PGBD5: variants seen among roughly 807,000 people sequenced by gnomAD.
The protein encoded by PGBD5 is piggyBac transposable element-derived protein 5.
PGBD5 carries 14 observed loss-of-function variants against 47.9 expected under a neutral mutation model. The observed-to-expected ratio is 0.29, with a 90% CI of 0.19 to 0.46. The LOEUF is 0.46. Ranked by LOEUF, PGBD5 falls within the 20% of genes least tolerant of loss-of-function variation. The probability of loss-of-function intolerance (pLI) is 1.00; values close to 1 mark genes in which losing one functional copy is unlikely to be tolerated. For synonymous variants in PGBD5, 316 were observed against 306.3 expected, an observed-to-expected ratio of 1.03 and a Z score of -0.33; for missense variants, 635 against 716.0, an observed-to-expected ratio of 0.89 and a Z score of 1.29.
chr1:230,324,447 G>A (rs1249032089), intron 6 of PGBD5, among the ~76,000 whole-genome samples: 8 of 152,188 alleles, frequency 5.3e-5, no homozygotes, highest in Admixed American at 6.5e-5. Context: ...CATAGTGGGC[G>A]TTCAACAAAG....
intron 2 of PGBD5, among the ~76,000 whole-genome samples, chr1:230,354,666 TGA>T (rs1028796141): frequency 1.3e-5 from 2 of 152,130 alleles, no homozygotes; most frequent in African/African-American, 4.8e-5. Context: ...CCACCTGCCC[TGA>T]GGCCTCTCCC....
intron 1 of PGBD5, among the ~76,000 whole-genome samples, chr1:230,424,665 G>C (rs1657732266): frequency 6.6e-6 from 1 of 152,236 alleles, no homozygotes; most frequent in African/African-American, 2.4e-5. Flanking sequence ...CATCAACACC[G>C]GTTGCGCGCA....
chr1:230,396,559 G>GCCCCCCCCCCCCCCCC (rs61206058), intron 1 of PGBD5, among the ~76,000 whole-genome samples: 3 of 117,646 alleles, frequency 2.6e-5, no homozygotes, highest in African/African-American at 7.4e-5. Context: ...ACATTTTGTT[G>GCCCCCCCCCCCCCCCC]CCCCCCCTCC....
Position 230,402,388 on chromosome 1 carries a change from A to T in PGBD5, c.331+23210T>A, listed in dbSNP as rs570921155. ...AGAAAGTGAGAAGCTATCTCTACAG[A>T]CCCAAACAAAAAGCTTTTAATGATA... On this transcript the variant is annotated intron_variant, in intron 1 of 6. Coordinates refer to ENST00000391860, the MANE Select transcript of PGBD5 (RefSeq NM_001258311.2). 3.8e-4 allele frequency among the ~76,000 whole-genome samples: 58 copies of T among 152,350 alleles called. 1 individual carries two copies. In the South Asian group the frequency reaches 0.01, roughly 27 times the overall value.
chr1:230,400,178 C>T (rs1416051459), intron 1 of PGBD5, among the ~76,000 whole-genome samples: 4 of 152,172 alleles, frequency 2.6e-5, no homozygotes, highest in Non-Finnish European at 4.4e-5. Flanking sequence ...CTGCCTCGGG[C>T]CTCACACTGT....
chr1:230,355,757 T>C (rs1301687840), intron 2 of PGBD5, among the ~76,000 whole-genome samples: 1 of 152,132 alleles, frequency 6.6e-6, no homozygotes, highest in Non-Finnish European at 1.5e-5. Flanking sequence ...CTGGATGCAT[T>C]TGCAAGGCAG....
rs1657750046 is a variant in PGBD5 at position 230,425,302 on chromosome 1, G to A, written c.331+296C>T. On this transcript the variant is annotated intron_variant, in intron 1 of 6. Coordinates refer to ENST00000391860, the MANE Select transcript of PGBD5 (RefSeq NM_001258311.2). This position sits in a 1 kb window ranked among gnomAD's most constrained non-coding sequence, Gnocchi z 4.7. ...CCCTAAAAGTCCGACCCACAGGTGT[G>A]ACAGACTTCCCATGCAGGGGCTGGG... Among the ~76,000 whole-genome samples, 1 of 152,196 alleles carries A rather than the reference G, an allele frequency of 6.6e-6. No homozygotes were observed. The highest frequency in any genetic ancestry group is 1.5e-5 in the Non-Finnish European group (1 of 68,040).
intron 5 of PGBD5, among the ~76,000 whole-genome samples, chr1:230,325,846 A>G (rs934549811): frequency 6.6e-6 from 1 of 152,030 alleles, no homozygotes; most frequent in African/African-American, 2.4e-5. Flanking sequence ...CTGAGGTCAG[A>G]CAGCACCATG....
At chr1:230,348,199 T>C (rs568513585) in intron 3 of PGBD5, among the ~76,000 whole-genome samples, 2 of 152,276 alleles carry the variant, frequency 1.3e-5, no homozygotes, top group East Asian at 1.9e-4. Flanking sequence ...GAACCCTACA[T>C]ATGACATTTA....
intron 1 of PGBD5, among the ~76,000 whole-genome samples, chr1:230,396,920 A>C (rs1210552358): frequency 6.6e-6 from 1 of 152,150 alleles, no homozygotes; most frequent in African/African-American, 2.4e-5. Flanking sequence ...ATTTAAAATC[A>C]CGCTGGAAGT....
chr1:230,367,190 C>T (rs1416687651), intron 1 of PGBD5, among the ~76,000 whole-genome samples: 2 of 152,114 alleles, frequency 1.3e-5, no homozygotes, highest in Non-Finnish European at 2.9e-5. Flanking sequence ...TTCAGTTTTC[C>T]TTCTACTCGG....
rs1657540394 is a variant in PGBD5, at chr1:230,417,276, C to T, written c.331+8322G>A. Among the ~76,000 whole-genome samples the T allele has an allele frequency of 2.0e-5, 3 of 152,078 alleles. No homozygotes were observed. The South Asian group carries it at 6.2e-4, about 32-fold the overall frequency. On this transcript the variant is annotated intron_variant, in intron 1 of 6. Transcript: ENST00000391860. ...TTCCCTTCTGCTGTCATTTTCCCTC[C>T]TCCTTCCTTAAAGGAAGGACCCCGG...
chr1:230,361,345 G>A (rs1335713210), intron 1 of PGBD5, among the ~76,000 whole-genome samples: 1 of 152,226 alleles, frequency 6.6e-6, no homozygotes, highest in Non-Finnish European at 1.5e-5. Flanking sequence ...ACCTAGAGGA[G>A]GAAGAGGAGG....
At chr1:230,336,958 A>T (rs1667332711) in intron 4 of PGBD5, 150 bp downstream of exon 4, 2 of 846,890 alleles carry the variant, frequency 2.4e-6, no homozygotes, top group Non-Finnish European at 3.7e-6. Context: ...GGTGGCTGAG[A>T]CGCATCTGTT....
intron 1 of PGBD5, chr1:230,362,346 C>T: frequency 7.3e-7 from 1 of 1,367,358 alleles, no homozygotes; most frequent in Middle Eastern, 2.1e-4. Context: ...GCCGAGGCGT[C>T]GACTCCATCC....
chr1:230,420,974 G>GT (rs968931606), intron 1 of PGBD5, among the ~76,000 whole-genome samples: 1 of 152,170 alleles, frequency 6.6e-6, no homozygotes, highest in African/African-American at 2.4e-5. Context: ...GGGCCCAGGA[G>GT]TTTGAGTCCA....
chr1:230,332,966 G>A lies in PGBD5; in HGVS notation c.1151C>T (p.Pro384Leu). The change falls in exon 5 of 7, where the codon CCA (proline) becomes CTA (leucine). Residue 384 changes from proline (P) to leucine (L), a missense_variant. By Grantham distance (98) the Pro-to-Leu change is moderately conservative. Transcript: ENST00000391860. ...TGLPLSMLTN[P>L]ATPPARGQYQ... ...CTGGCCCCGGGCCGGGGGTGTGGCT[G>A]GGTTGGTCAGCATGGACAGTGGGAG... 1.2e-6 allele frequency: 2 copies of A among 1,614,032 alleles called. No individual in the cohort carries two copies. Among genetic ancestry groups the A allele is most frequent in the East Asian group, 2.2e-5 (1 of 44,872 alleles).
intron 1 of PGBD5, among the ~76,000 whole-genome samples, chr1:230,394,875 CCT>C (rs1177656141): frequency 1.3e-4 from 16 of 120,874 alleles, no homozygotes; most frequent in African/African-American, 3.4e-4. Context: ...GCTCCTCCCC[CCT>C]CTCCTCATGC....
intron 1 of PGBD5, among the ~76,000 whole-genome samples, chr1:230,372,216 A>G (rs918822590): frequency 2.6e-5 from 4 of 152,226 alleles, no homozygotes; most frequent in Admixed American, 6.5e-5. Flanking sequence ...CTCAGCTTTC[A>G]CTTTCCGGCA....
Sources: allele counts gnomAD v4.1 joint callset (sites outside exome capture counted in the v4.1 genomes callset), GRCh38; gene constraint gnomAD v4.1.1; non-coding constraint Gnocchi (gnomAD v3.1); transcripts MANE v1.5; gene names NCBI Gene and HGNC (gene_info 2026-07-23, HGNC 2026-07-21).